Variants in ADGRV1 observed in about 807,000 individuals in gnomAD.
ADGRV1 encodes the protein G-protein coupled receptor 98.
ADGRV1 carries 359 observed loss-of-function variants against 596.2 expected under a neutral mutation model. The ratio of observed to expected loss-of-function variants is 0.60; its 90% CI spans 0.55 to 0.66. The LOEUF (loss-of-function observed/expected upper bound fraction) is 0.66, where lower values mean the gene tolerates loss of function less well. ADGRV1 is among the 30% of genes least tolerant of loss of function. ADGRV1 has a pLI of 0.00. For synonymous variants in ADGRV1, 2,681 were observed against 2,679.2 expected (o/e 1.00, Z -0.02); for missense variants, 7,274 against 7,575.6 (o/e 0.96, Z 1.48).
chr5:90,992,885 CTT>C (rs1562058020), intron 85 of ADGRV1, among the ~76,000 whole-genome samples: 1 of 152,044 alleles, frequency 6.6e-6, no homozygotes, highest in African/African-American at 2.4e-5. Context: ...GAATTTTAAA[CTT>C]ATAGAAAAAT....
intron 85 of ADGRV1, among the ~76,000 whole-genome samples, chr5:91,029,949 A>G (rs927054495): frequency 3.3e-5 from 5 of 152,140 alleles, no homozygotes; most frequent in Non-Finnish European, 5.9e-5. Flanking sequence ...TAGATATTCT[A>G]TTCATCTGGA....
intron 14 of ADGRV1, 42 bp from the exon 15 acceptor site, chr5:90,644,664 T>C: frequency 6.7e-7 from 1 of 1,495,858 alleles, no homozygotes. Flanking sequence ...TTTAAAAGTT[T>C]CGTATGTCTT....
intron 85 of ADGRV1, among the ~76,000 whole-genome samples, chr5:91,039,673 A>C (rs907380184): frequency 2.2e-4 from 33 of 152,336 alleles, no homozygotes; most frequent in African/African-American, 7.0e-4. Flanking sequence ...CTGAAACATC[A>C]CAGAATGATT....
At position 90,745,545 on chromosome 5, in the gene ADGRV1, T is replaced by A. The variant is rs1224440591; in HGVS notation, c.10770-46T>A. 2.3e-6 allele frequency: 3 copies of A among 1,302,960 alleles called. No homozygotes were observed. The South Asian group carries it at 4.0e-5, about 17-fold the overall frequency. The allele number at this position is 1,302,960 out of a possible 1,614,324, so 80.7% of individuals were successfully genotyped here. A position where few individuals can be genotyped will look rare whatever the true frequency, so the allele number is the denominator to read the frequency against. On this transcript the variant is annotated intron_variant, in intron 51 of 89. Transcript: ENST00000405460. Reference sequence around the variant, plus strand: ...TGAGTAGTCTACTATGTATATATCTTAAATTTGTTGTAGTTGACTTATTTT... The same window carrying A: ...TGAGTAGTCTACTATGTATATATCTAAAATTTGTTGTAGTTGACTTATTTT...
chr5:90,985,267 A>G, intron 84 of ADGRV1, 77 bp from the exon 85 acceptor site: 3 of 1,029,468 alleles, frequency 2.9e-6, no homozygotes, highest in Non-Finnish European at 4.0e-6. Flanking sequence ...GGTCGGTAAC[A>G]TTGCCTAAGC....
At chr5:91,046,022 A>C (rs1419361688) in intron 85 of ADGRV1, among the ~76,000 whole-genome samples, 1 of 152,184 alleles carries the variant, frequency 6.6e-6, no homozygotes, top group African/African-American at 2.4e-5. Context: ...CATAGACAAC[A>C]CAAACAAATG....
Position 90,790,927 on chromosome 5 carries a change from A to G in ADGRV1, c.14098A>G (p.Ser4700Gly). 3 of 1,612,260 alleles carry G rather than the reference A, an allele frequency of 1.9e-6. No homozygotes were observed. The highest frequency in any genetic ancestry group is 2.5e-6 in the Non-Finnish European group (3 of 1,179,782). Residue 4700 changes from serine (S) to glycine (G), a missense_variant, in exon 70 of 90, where the codon AGT becomes GGT. Transcript: ENST00000405460. ...FDITEDFLST[S>G]GFFTIADGES... The stretch of plus-strand genomic sequence containing the variant: ...CATTACTGAAGACTTTCTTTCCACC[A>G]GTGGATTTTTCACCATTGCTGATGG...
chr5:90,949,223 G>T (rs1438157131), intron 83 of ADGRV1, among the ~76,000 whole-genome samples: 2 of 152,044 alleles, frequency 1.3e-5, no homozygotes, highest in African/African-American at 4.8e-5. Flanking sequence ...TAGGTTTCAG[G>T]GTAATGAGAG....
chr5:90,712,199 C>G, intron 41 of ADGRV1, 88 bp from the exon 42 acceptor site: 1 of 749,302 alleles, frequency 1.3e-6, no homozygotes, highest in Non-Finnish European at 2.0e-6. Context: ...TTTACATTCA[C>G]AACTATATTG....
intron 5 of ADGRV1, among the ~76,000 whole-genome samples, chr5:90,623,315 T>C (rs951799644): frequency 1.3e-5 from 2 of 152,230 alleles, no homozygotes; most frequent in Admixed American, 1.3e-4. Context: ...CATGGAACTT[T>C]TATGATAAAT....
intron 30 of ADGRV1, 22 bp from the exon 31 acceptor site, chr5:90,690,775 C>T (rs2149620886): frequency 6.3e-7 from 1 of 1,580,514 alleles, no homozygotes; most frequent in East Asian, 2.3e-5. Flanking sequence ...TTGAAATGAA[C>T]TCTGCTCTGT....
chr5:91,042,128 C>T (rs985123649), intron 85 of ADGRV1, among the ~76,000 whole-genome samples: 1 of 152,094 alleles, frequency 6.6e-6, no homozygotes, highest in East Asian at 1.9e-4. Context: ...TGATTCAGTT[C>T]AAAAATCTCC....
At chr5:90,858,756 A>C (rs188354996) in intron 82 of ADGRV1, among the ~76,000 whole-genome samples, 17 of 152,300 alleles carry the variant, frequency 1.1e-4, no homozygotes, top group Admixed American at 3.9e-4. Context: ...TCAGTGCCTT[A>C]ATGGTGTTGT....
intron 84 of ADGRV1, among the ~76,000 whole-genome samples, chr5:90,983,827 A>G (rs1170885493): frequency 6.6e-6 from 1 of 152,188 alleles, no homozygotes; most frequent in African/African-American, 2.4e-5. Context: ...CTAAGTAACC[A>G]AACATTTTTA....
chr5:90,865,301 A>G (rs1767983517), intron 83 of ADGRV1, among the ~76,000 whole-genome samples: 1 of 152,116 alleles, frequency 6.6e-6, no homozygotes, highest in African/African-American at 2.4e-5. Context: ...CCCGCCTTCC[A>G]TAATTAGAGT....
chr5:90,567,767 T>C (rs1289430600), intron 1 of ADGRV1, among the ~76,000 whole-genome samples: 1 of 151,388 alleles, frequency 6.6e-6, no homozygotes, highest in Non-Finnish European at 1.5e-5. Flanking sequence ...AGAATCTTGG[T>C]CTGTTACCCC....
intron 1 of ADGRV1, among the ~76,000 whole-genome samples, chr5:90,593,539 T>C (rs1276086481): frequency 6.6e-6 from 1 of 152,150 alleles, no homozygotes; most frequent in African/African-American, 2.4e-5. Context: ...ACATGGCACA[T>C]GTATACCTAT....
chr5:90,951,099 C>T (rs1252611156), intron 83 of ADGRV1, among the ~76,000 whole-genome samples: 1 of 152,120 alleles, frequency 6.6e-6, no homozygotes, highest in Non-Finnish European at 1.5e-5. Flanking sequence ...ATGGCATTTG[C>T]TCATTTTTGC....
At chr5:91,128,318 T>A (rs1457382104) in intron 87 of ADGRV1, among the ~76,000 whole-genome samples, 1 of 151,904 alleles carries the variant, frequency 6.6e-6, no homozygotes, top group African/African-American at 2.4e-5. Flanking sequence ...TTTATCAGAG[T>A]AGCAAATGCA....
Sources: allele counts gnomAD v4.1 joint callset (sites outside exome capture counted in the v4.1 genomes callset), GRCh38; gene constraint gnomAD v4.1.1; transcripts MANE v1.5; gene names NCBI Gene and HGNC (gene_info 2026-07-23, HGNC 2026-07-21).